The following PDE4D variants were observed in gnomAD, a reference collection of about 807,000 sequenced individuals.
PDE4D encodes phosphodiesterase 4D.
In PDE4D, 24 loss-of-function variants were observed where a neutral mutation model predicts 87.4. The ratio of observed to expected loss-of-function variants is 0.27; its 90% CI spans 0.20 to 0.39. PDE4D has a LOEUF of 0.39. Among genes scored for constraint, PDE4D ranks in the 10% least tolerant of loss-of-function variants. PDE4D has a pLI of 1.00. For missense variants in PDE4D, 714 were observed against 1,041.0 expected (o/e 0.69, Z 4.32); for synonymous variants, 384 against 383.2 (o/e 1.00, Z -0.02).
intron 2 of PDE4D, among the ~76,000 whole-genome samples, chr5:60,056,931 T>C (rs1213397770): frequency 6.6e-6 from 1 of 152,048 alleles, no homozygotes; most frequent in Non-Finnish European, 1.5e-5. Context: ...TTATGTAACC[T>C]AAAAATTTAT....
upstream of PDE4D, among the ~76,000 whole-genome samples, chr5:60,488,622 A>G (rs1400430642): frequency 6.6e-6 from 1 of 152,010 alleles, no homozygotes; most frequent in Non-Finnish European, 1.5e-5. Flanking sequence ...TAAAACGATC[A>G]TTTGTGGAGG....
intron 1 of PDE4D, among the ~76,000 whole-genome samples, chr5:60,249,005 T>C (rs953717254): frequency 1.3e-5 from 2 of 152,000 alleles, no homozygotes; most frequent in Non-Finnish European, 1.5e-5. Flanking sequence ...TTTCCTTCTG[T>C]TTCTTGCCAA....
intron 1 of PDE4D, among the ~76,000 whole-genome samples, chr5:59,507,160 C>G (rs895620562): frequency 2.6e-5 from 4 of 152,002 alleles, no homozygotes; most frequent in Admixed American, 1.3e-4. Flanking sequence ...GGCAAAACCC[C>G]ATCTCTACTA....
intron 1 of PDE4D, among the ~76,000 whole-genome samples, chr5:59,361,404 CTGAT>C (rs1426835173): frequency 6.6e-6 from 1 of 152,136 alleles, no homozygotes; most frequent in African/African-American, 2.4e-5. Context: ...TCTGGTGTCA[CTGAT>C]TGTCTTGTTC....
chr5:59,950,585 T>A (rs1375948845), intron 3 of PDE4D, among the ~76,000 whole-genome samples: 1 of 152,020 alleles, frequency 6.6e-6, no homozygotes, highest in Non-Finnish European at 1.5e-5. Context: ...AATATATAAT[T>A]ATAATAATGT....
intron 1 of PDE4D, among the ~76,000 whole-genome samples, chr5:59,887,085 G>A (rs1241284240): frequency 2.6e-5 from 4 of 152,166 alleles, no homozygotes; most frequent in Non-Finnish European, 5.9e-5. Context: ...GATCTTGGTG[G>A]TCTTTGAGAT....
chr5:60,171,949 C>A (rs1451236673), intron 2 of PDE4D, among the ~76,000 whole-genome samples: 1 of 151,384 alleles, frequency 6.6e-6, no homozygotes, highest in Non-Finnish European at 1.5e-5. Context: ...TCTCTTATTT[C>A]AAATATGTAT....
chr5:59,640,284 G>A (rs1027912444), intron 1 of PDE4D, among the ~76,000 whole-genome samples: 4 of 152,142 alleles, frequency 2.6e-5, no homozygotes, highest in African/African-American at 9.7e-5. Flanking sequence ...TCAAAGCTGG[G>A]AAATGCCCAA....
chr5:60,395,868 A>T lies in PDE4D; in HGVS notation c.-90+92074T>A, dbSNP rs187832996. 6.8e-3 allele frequency among the ~76,000 whole-genome samples: 1,038 copies of T among 152,016 alleles called. 12 individuals carry two copies. The highest frequency in any genetic ancestry group is 0.024 in the African/African-American group (986 of 41,452). ...ATTCCATGAGTTGTTTGAGCCCCCT[A>T]ACCAATATCACACCGCTTAAGCCTG... On this transcript the variant is annotated intron_variant, in intron 1 of 16. Coordinates refer to the PDE4D transcript ENST00000502484.
chr5:60,329,554 A>G (rs1039218179), intron 1 of PDE4D, among the ~76,000 whole-genome samples: 2 of 152,180 alleles, frequency 1.3e-5, no homozygotes, highest in African/African-American at 4.8e-5. Context: ...TTTCACCATC[A>G]GTTCTACCTG....
Position 58,975,881 on chromosome 5 carries a change from T to A in PDE4D, c.1831-42A>T. On this transcript the variant is annotated intron_variant, in intron 13 of 14. Transcript: ENST00000340635. The surrounding 1 kb of genome is among the most constrained non-coding windows in gnomAD (Gnocchi z 4.2). The stretch of plus-strand genomic sequence containing the variant: ...CATTCTCTATTCACTCCTGTTCCTT[T>A]TTTTTAAAAAAAAAAACAAAAAAAA... The A allele has an allele frequency of 8.0e-7, 1 of 1,251,278 alleles. No individual in the cohort carries two copies. Among genetic ancestry groups the A allele is most frequent in the Non-Finnish European group, 1.0e-6 (1 of 974,860 alleles). 77.5% of individuals were successfully genotyped at this position (1,251,278 alleles called of 1,614,324 possible).
intron 1 of PDE4D, among the ~76,000 whole-genome samples, chr5:59,385,021 C>G (rs1311004099): frequency 6.6e-6 from 1 of 151,996 alleles, no homozygotes; most frequent in Non-Finnish European, 1.5e-5. Flanking sequence ...TGCTTTGGTT[C>G]TTTTCCAAAT....
At chr5:60,186,095 TCTTA>T (rs1251963555) in intron 1 of PDE4D, among the ~76,000 whole-genome samples, 1 of 152,150 alleles carries the variant, frequency 6.6e-6, no homozygotes, top group East Asian at 1.9e-4. Flanking sequence ...GCTGGAGGAA[TCTTA>T]CTTACATGTG....
At chr5:60,249,916 C>T (rs2149680534) in intron 1 of PDE4D, among the ~76,000 whole-genome samples, 1 of 152,076 alleles carries the variant, frequency 6.6e-6, no homozygotes, top group East Asian at 1.9e-4. Flanking sequence ...ATATTAAATG[C>T]ATTTATGATG....
At chr5:59,613,494 C>T (rs1049617779) in intron 1 of PDE4D, among the ~76,000 whole-genome samples, 25 of 152,032 alleles carry the variant, frequency 1.6e-4, no homozygotes, top group African/African-American at 4.3e-4. Context: ...GTAAGAGATA[C>T]GCAGAAGGAG....
intron 3 of PDE4D, among the ~76,000 whole-genome samples, chr5:59,192,479 G>A (rs1400653364): frequency 6.6e-6 from 1 of 152,090 alleles, no homozygotes; most frequent in Non-Finnish European, 1.5e-5. Flanking sequence ...GGCGGTGAAA[G>A]GGTTTTAACT....
At chr5:60,520,055 T>C (rs1021030974) in intron 1 of PDE4D, among the ~76,000 whole-genome samples, 9 of 152,050 alleles carry the variant, frequency 5.9e-5, no homozygotes, top group Non-Finnish European at 1.0e-4. Context: ...TTCTAAATGA[T>C]AGGATCCTCT....
intron 1 of PDE4D, among the ~76,000 whole-genome samples, chr5:59,620,575 A>G (rs1393316957): frequency 6.6e-6 from 1 of 152,122 alleles, no homozygotes; most frequent in African/African-American, 2.4e-5. Flanking sequence ...AGATCAGTGG[A>G]TATAAGGAAG....
At chr5:59,613,359 C>T (rs189829494) in intron 1 of PDE4D, among the ~76,000 whole-genome samples, 4 of 152,214 alleles carry the variant, frequency 2.6e-5, no homozygotes, top group African/African-American at 9.6e-5. Flanking sequence ...ATAGAGGAGA[C>T]ATCATGGTGG....
Sources: gnomAD v4.1 joint callset for allele counts (sites outside exome capture counted in the v4.1 genomes callset) on GRCh38, gnomAD v4.1.1 for gene constraint, Gnocchi (gnomAD v3.1) non-coding constraint, MANE v1.5 for transcripts, NCBI Gene and HGNC (gene_info 2026-07-23, HGNC 2026-07-21) for gene names.